ARSB: variants seen among roughly 807,000 people sequenced by gnomAD.
ARSB encodes arylsulfatase B, also known as N-acetylgalactosamine-4-sulfatase.
In ARSB, 41 loss-of-function variants were observed where a neutral mutation model predicts 50.9. That is an observed-to-expected ratio of 0.81 (90% CI 0.63 to 1.04). The LOEUF (loss-of-function observed/expected upper bound fraction) is 1.04, where lower values mean the gene tolerates loss of function less well. ARSB is among the 50% of genes least tolerant of loss of function. The pLI, the probability that ARSB is intolerant of heterozygous loss-of-function variation, is 0.00. For synonymous variants in ARSB, 269 were observed against 284.8 expected (o/e 0.94, Z 0.56); for missense variants, 672 against 693.3 (o/e 0.97, Z 0.35).
chr5:78,862,846 A>C (rs1486495940), intron 5 of ARSB, among the ~76,000 whole-genome samples: 1 of 152,236 alleles, frequency 6.6e-6, no homozygotes, highest in Non-Finnish European at 1.5e-5. Context: ...AAATTTTTAC[A>C]ATTTACCCAT....
At chr5:78,897,779 T>C (rs978790875) in intron 4 of ARSB, among the ~76,000 whole-genome samples, 1 of 151,892 alleles carries the variant, frequency 6.6e-6, no homozygotes, top group Non-Finnish European at 1.5e-5. Context: ...AAATATATTC[T>C]ATAAATATAA....
chr5:78,945,218 G>A (rs1015613554), intron 4 of ARSB, among the ~76,000 whole-genome samples: 1 of 152,178 alleles, frequency 6.6e-6, no homozygotes, highest in Non-Finnish European at 1.5e-5. Flanking sequence ...CTGACCCCTT[G>A]CGCTTCCCGG....
intron 5 of ARSB, among the ~76,000 whole-genome samples, chr5:78,876,115 G>A (rs1230790509): frequency 1.3e-5 from 2 of 151,358 alleles, no homozygotes; most frequent in East Asian, 3.9e-4. Context: ...TAAGAACTAA[G>A]GAAAGTTATA....
At chr5:78,887,964 G>A (rs1748113485) in intron 4 of ARSB, among the ~76,000 whole-genome samples, 1 of 152,218 alleles carries the variant, frequency 6.6e-6, no homozygotes, top group Non-Finnish European at 1.5e-5. Context: ...AGCTGCTGTT[G>A]GGGAAGAAAT....
At chr5:78,805,014 T>A (rs1743513713) in intron 6 of ARSB, among the ~76,000 whole-genome samples, 1 of 152,220 alleles carries the variant, frequency 6.6e-6, no homozygotes, top group Admixed American at 6.5e-5. Flanking sequence ...CTCCAGGGTT[T>A]AGTGATAGCA....
intron 3 of ARSB, among the ~76,000 whole-genome samples, chr5:78,958,226 C>T (rs781412680): frequency 9.7e-4 from 148 of 152,200 alleles, no homozygotes; most frequent in Non-Finnish European, 1.5e-3. Flanking sequence ...GGACTCTTAA[C>T]AGTGGCAGGG....
At chr5:78,979,368 A>G (rs1239261075) in intron 1 of ARSB, among the ~76,000 whole-genome samples, 1 of 152,240 alleles carries the variant, frequency 6.6e-6, no homozygotes, top group Non-Finnish European at 1.5e-5. Flanking sequence ...GAGACGCTAA[A>G]ACCCACATAC....
At chr5:78,841,176 A>AATAATAATAATG (rs1227408027) in intron 5 of ARSB, among the ~76,000 whole-genome samples, 6 of 149,900 alleles carry the variant, frequency 4.0e-5, no homozygotes, top group African/African-American at 1.5e-4. Context: ...TACTAATAAT[A>AATAATAATAATG]ATAATAATTT....
intron 6 of ARSB, among the ~76,000 whole-genome samples, chr5:78,793,433 T>G (rs1743052665): frequency 6.6e-6 from 1 of 152,224 alleles, no homozygotes; most frequent in African/African-American, 2.4e-5. Flanking sequence ...TCTACTCTAA[T>G]TGGCATTTTT....
intron 4 of ARSB, among the ~76,000 whole-genome samples, chr5:78,909,739 C>G (rs1749218420): frequency 6.6e-6 from 1 of 152,132 alleles, no homozygotes; most frequent in Non-Finnish European, 1.5e-5. Flanking sequence ...GAAATATGGC[C>G]TTGTGGGATG....
chr5:78,881,702 T>C (rs778232751), intron 5 of ARSB, among the ~76,000 whole-genome samples: 10 of 152,250 alleles, frequency 6.6e-5, no homozygotes, highest in Non-Finnish European at 1.2e-4. Flanking sequence ...AGATGAGCAC[T>C]TTCTACACCT....
rs6869313 is a variant in ARSB, at chr5:78,846,347, G to T, written c.1143-6921C>A. Among the ~76,000 whole-genome samples the T allele has an allele frequency of 8.0e-3, 1,213 of 152,118 alleles. 22 individuals are homozygous for T. Among genetic ancestry groups the T allele is most frequent in the African/African-American group, 0.028 (1,164 of 41,498 alleles). On this transcript the variant is annotated intron_variant, in intron 5 of 7. Coordinates refer to ENST00000264914, the MANE Select transcript of ARSB (RefSeq NM_000046.5). ...CTCCAACTTTGTTCTTTTCATTCAG[G>T]ATTGCTTTGGCTATAGGGTCTTTTG...
At chr5:78,793,894 T>C (rs1248796841) in intron 6 of ARSB, among the ~76,000 whole-genome samples, 1 of 150,006 alleles carries the variant, frequency 6.7e-6, no homozygotes, top group Non-Finnish European at 1.5e-5. Context: ...ATTTTTATTA[T>C]TTTTTTTTTG....
intron 6 of ARSB, among the ~76,000 whole-genome samples, chr5:78,835,056 A>G (rs982068598): frequency 1.3e-5 from 2 of 148,288 alleles, no homozygotes; most frequent in African/African-American, 5.0e-5. Flanking sequence ...TTACGTATGC[A>G]TCCTTGAGAC....
At chr5:78,867,614 G>A (rs1391953440) in intron 5 of ARSB, among the ~76,000 whole-genome samples, 1 of 152,120 alleles carries the variant, frequency 6.6e-6, no homozygotes, top group Non-Finnish European at 1.5e-5. Flanking sequence ...GGTCCTGTCT[G>A]TTAGAAGGAA....
At chr5:78,875,184 C>A (rs1246049793) in intron 5 of ARSB, among the ~76,000 whole-genome samples, 3 of 152,000 alleles carry the variant, frequency 2.0e-5, no homozygotes, top group Non-Finnish European at 2.9e-5. Flanking sequence ...AAAACCACAA[C>A]TGAAATAAAC....
At chr5:78,880,448 T>C (rs908086560) in intron 5 of ARSB, among the ~76,000 whole-genome samples, 7 of 152,186 alleles carry the variant, frequency 4.6e-5, no homozygotes, top group African/African-American at 1.7e-4. Context: ...TATGTCCTTA[T>C]GCAAGCCAGG....
intron 4 of ARSB, among the ~76,000 whole-genome samples, chr5:78,895,363 A>G (rs1748519583): frequency 2.0e-5 from 3 of 152,222 alleles, no homozygotes; most frequent in Admixed American, 2.0e-4. Flanking sequence ...TGAAGACACC[A>G]CTGAAAGATG....
At chr5:78,840,116 T>C (rs868531010) in intron 5 of ARSB, among the ~76,000 whole-genome samples, 7 of 152,190 alleles carry the variant, frequency 4.6e-5, no homozygotes, top group Non-Finnish European at 4.4e-5. Flanking sequence ...GCAGTGTTCT[T>C]AAGAAATTGG....
Sources: allele counts gnomAD v4.1 joint callset (sites outside exome capture counted in the v4.1 genomes callset), GRCh38; gene constraint gnomAD v4.1.1; transcripts MANE v1.5; gene names NCBI Gene and HGNC (gene_info 2026-07-23, HGNC 2026-07-21).